Variants in ZCWPW2 observed in about 807,000 individuals in gnomAD.
ZCWPW2 encodes the protein zinc finger CW-type PWWP domain protein 2.
Under a neutral mutation model 46.6 loss-of-function variants are expected in ZCWPW2, and 45 were observed. The observed-to-expected ratio is 0.96, with a 90% confidence interval of 0.76 to 1.24. The LOEUF is 1.24. Ranked by LOEUF, ZCWPW2 falls within the 50% of genes most tolerant of loss-of-function variation. The pLI is 0.00. For synonymous variants in ZCWPW2, 152 were observed against 137.1 expected (o/e 1.11, Z -0.76); for missense variants, 429 against 403.9 (o/e 1.06, Z -0.53).
At chr3:28,417,057 C>CTTT (rs762824707) in intron 3 of ZCWPW2, among the ~76,000 whole-genome samples, 1 of 124,672 alleles carries the variant, frequency 8.0e-6, no homozygotes. Flanking sequence ...GATTCCCTCT[C>CTTT]TTTTTTTTTT....
At chr3:28,492,033 G>A in intron 5 of ZCWPW2, 94 bp from the exon 6 acceptor site, 1 of 1,251,232 alleles carries the variant, frequency 8.0e-7, no homozygotes, top group Non-Finnish European at 1.1e-6. Context: ...CAATAGTAAT[G>A]AGAAAGTAGA....
chr3:28,372,800 A>T (rs973739601), intron 1 of ZCWPW2, among the ~76,000 whole-genome samples: 19 of 152,074 alleles, frequency 1.2e-4, no homozygotes, highest in African/African-American at 3.9e-4. Flanking sequence ...TAAAGTCCCC[A>T]GTGTCTATTA....
intron 2 of ZCWPW2, among the ~76,000 whole-genome samples, chr3:28,400,499 A>G (rs1011391289): frequency 6.6e-5 from 10 of 152,210 alleles, no homozygotes; most frequent in African/African-American, 2.4e-4. Flanking sequence ...CAAGTTATCT[A>G]AAGTTAAGAT....
In ZCWPW2 at chr3:28,462,407, T is replaced by C. The variant is rs1698672975; in HGVS notation, c.493-16407T>C. On this transcript the variant is annotated intron_variant, in intron 4 of 9. Transcript: ENST00000383768. ...GGGACTTGAACAAAAATAATATTCA[T>C]GTAACCATGATGGGCTGAAGAGCAG... Among the ~76,000 whole-genome samples, 3 of 152,190 alleles carry C rather than the reference T, an allele frequency of 2.0e-5. No individual in the cohort carries two copies. In the South Asian group the frequency reaches 6.2e-4, roughly 32 times the overall value.
chr3:28,524,444 C>A, intron 9 of ZCWPW2, 83 bp from the exon 10 acceptor site: 1 of 1,430,362 alleles, frequency 7.0e-7, no homozygotes, highest in Non-Finnish European at 9.6e-7. Context: ...GCTAATGTGG[C>A]TTGCAGAATT....
intron 1 of ZCWPW2, among the ~76,000 whole-genome samples, chr3:28,364,565 C>G (rs997925950): frequency 2.0e-5 from 3 of 152,056 alleles, no homozygotes; most frequent in Non-Finnish European, 4.4e-5. Flanking sequence ...CTTTACATTC[C>G]CACCAACAGT....
At chr3:28,464,334 G>A (rs2125790878) in intron 4 of ZCWPW2, among the ~76,000 whole-genome samples, 1 of 152,016 alleles carries the variant, frequency 6.6e-6, no homozygotes, top group South Asian at 2.1e-4. Flanking sequence ...AGTTTAAAAG[G>A]GTCTTCACCC....
At chr3:28,407,547 AG>A (rs1481625381) in intron 2 of ZCWPW2, among the ~76,000 whole-genome samples, 1 of 152,170 alleles carries the variant, frequency 6.6e-6, no homozygotes. Context: ...TCCCCAGGTA[AG>A]GGATCAGAGA....
At chr3:28,368,217 G>T (rs967973312) in intron 1 of ZCWPW2, among the ~76,000 whole-genome samples, 1 of 152,116 alleles carries the variant, frequency 6.6e-6, no homozygotes, top group African/African-American at 2.4e-5. Context: ...TTGCTCCTTA[G>T]TTGATGCAGT....
chr3:28,514,193 C>T (rs372017592), intron 7 of ZCWPW2, 71 bp downstream of exon 7: 1 of 1,081,294 alleles, frequency 9.2e-7, no homozygotes, highest in South Asian at 1.7e-5. Flanking sequence ...TAGAAACACC[C>T]CGGCTAATAA....
rs1704416000 is a variant in ZCWPW2 at position 28,349,096 on chromosome 3, T to C, written c.-241T>C. The C allele has an allele frequency of 1.0e-6, 1 of 984,448 alleles. No homozygotes were observed. The highest frequency in any genetic ancestry group is 1.8e-5 in the African/African-American group (1 of 56,890). 61.0% of individuals were successfully genotyped at this position (984,448 alleles called of 1,614,324 possible). A position where few individuals can be genotyped will look rare whatever the true frequency, so the allele number is the denominator to read the frequency against. On this transcript the variant is annotated 5_prime_UTR_variant, in exon 1 of 10. Transcript: ENST00000383768. ...GCGAAGCCAGGTTCGGTCGTGGGGG[T>C]GGGGAAGTGCAGGAGTGGCGCGCGG...
At chr3:28,359,639 C>A (rs765634641) in intron 1 of ZCWPW2, among the ~76,000 whole-genome samples, 12 of 150,924 alleles carry the variant, frequency 8.0e-5, no homozygotes, top group Non-Finnish European at 1.0e-4. Context: ...TGATTTTCAT[C>A]CTTACAAAAA....
intron 1 of ZCWPW2, among the ~76,000 whole-genome samples, chr3:28,376,713 G>A (rs537878575): frequency 2.0e-5 from 3 of 152,250 alleles, no homozygotes; most frequent in South Asian, 2.1e-4. Flanking sequence ...CTCTTAGGGA[G>A]AAGTGAAGCT....
At chr3:28,456,224 TA>T (rs1698416116) in intron 4 of ZCWPW2, among the ~76,000 whole-genome samples, 1 of 152,156 alleles carries the variant, frequency 6.6e-6, no homozygotes, top group African/African-American at 2.4e-5. Flanking sequence ...TATTCCTAGG[TA>T]TTTTATTCTT....
intron 1 of ZCWPW2, among the ~76,000 whole-genome samples, chr3:28,373,843 TTTTG>T (rs1419556611): frequency 9.2e-5 from 14 of 152,126 alleles, no homozygotes; most frequent in East Asian, 3.9e-4. Flanking sequence ...ATTTGTTTGT[TTTTG>T]TTTGTTTGTT....
chr3:28,414,437 T>G (rs1201355041), intron 3 of ZCWPW2, among the ~76,000 whole-genome samples: 1 of 152,058 alleles, frequency 6.6e-6, no homozygotes, highest in Non-Finnish European at 1.5e-5. Context: ...GAAGATTATT[T>G]CATCAACCAG....
Position 28,428,398 on chromosome 3 carries a change from A to G in ZCWPW2, c.333-6712A>G, listed in dbSNP as rs1459699640. The G allele has an allele frequency of 3.9e-5, 6 of 152,300 alleles. No homozygotes were observed. The East Asian group carries it at 1.2e-3, about 29-fold the overall frequency. 9.4% of individuals were successfully genotyped at this position (152,300 alleles called of 1,614,324 possible). On this transcript the variant is annotated intron_variant, in intron 3 of 9. Coordinates refer to ENST00000383768, the MANE Select transcript of ZCWPW2 (RefSeq NM_001040432.4). ...TCCCTAACTCAGAGGCACAAGAGCC[A>G]TAGGACTCTGCTCAGCCTCTGGGGA...
intron 4 of ZCWPW2, among the ~76,000 whole-genome samples, chr3:28,439,046 A>G (rs1697612155): frequency 7.4e-6 from 1 of 134,792 alleles, no homozygotes; most frequent in South Asian, 2.5e-4. Context: ...GTATATATCT[A>G]TGGTGTGTGT....
chr3:28,381,938 G>A (rs149715051), intron 1 of ZCWPW2, among the ~76,000 whole-genome samples: 3,484 of 152,110 alleles, frequency 0.023, 57 homozygotes, highest in Middle Eastern at 0.051. Context: ...CAAGGTGGGC[G>A]GATCACCTGA....
Sources: allele counts gnomAD v4.1 joint callset (sites outside exome capture counted in the v4.1 genomes callset), GRCh38; gene constraint gnomAD v4.1.1; transcripts MANE v1.5; gene names NCBI Gene and HGNC (gene_info 2026-07-23, HGNC 2026-07-21).